MMP26: variants seen among roughly 807,000 people sequenced by gnomAD.
MMP26 encodes matrix metalloproteinase-26.
A neutral mutation model predicts 31.0 loss-of-function variants in MMP26; 33 were observed. The ratio of observed to expected loss-of-function variants is 1.06; its 90% CI spans 0.81 to 1.42. MMP26 has a LOEUF of 1.42. Among genes scored for constraint, MMP26 ranks in the 40% most tolerant of loss-of-function variants. The pLI is 0.00. For synonymous variants in MMP26, 122 were observed against 114.9 expected, an observed-to-expected ratio of 1.06 and a Z score of -0.40; for missense variants, 347 against 316.1, an observed-to-expected ratio of 1.10 and a Z score of -0.74.
chr11:4,925,281 G>A (rs571952761), intron 2 of MMP26, among the ~76,000 whole-genome samples: 232 of 152,180 alleles, frequency 1.5e-3, no homozygotes, highest in Admixed American at 3.3e-3. Context: ...ACATTAAACC[G>A]TATTTTCCCA....
At chr11:4,714,475 C>T (rs1353153033) in intron 1 of MMP26, among the ~76,000 whole-genome samples, 1 of 152,172 alleles carries the variant, frequency 6.6e-6, no homozygotes, top group African/African-American at 2.4e-5. Context: ...TTCTTATCCT[C>T]ATCCTCATCT....
intron 2 of MMP26, among the ~76,000 whole-genome samples, chr11:4,982,344 C>T (rs1846826055): frequency 6.6e-6 from 1 of 152,140 alleles, no homozygotes; most frequent in South Asian, 2.1e-4. Flanking sequence ...TACAATGTCA[C>T]TACATGATAG....
intron 2 of MMP26, chr11:4,973,884 T>C (rs762718180): frequency 7.9e-5 from 12 of 152,036 alleles, no homozygotes; most frequent in Non-Finnish European, 1.6e-4. Flanking sequence ...AGAATGGACA[T>C]CCCAGTATTT....
At chr11:4,858,540 G>C (rs1025824262) in intron 2 of MMP26, among the ~76,000 whole-genome samples, 1 of 152,106 alleles carries the variant, frequency 6.6e-6, no homozygotes, top group African/African-American at 2.4e-5. Context: ...TCTTCAAGGA[G>C]AACTACAAAC....
rs752821821 is a variant in MMP26, at chr11:4,907,889, C to A, written c.-144-80179C>A. On this transcript the variant is annotated intron_variant, in intron 2 of 7. Transcript: ENST00000380390. ...ATTAAAATATTGTCAAAAGAATCTT[C>A]TTTCTCACTCATACTGTCTTCATCA... The A allele has an allele frequency of 4.3e-6, 7 of 1,613,926 alleles. No homozygotes were observed. The Admixed American group carries it at 1.2e-4, about 27-fold the overall frequency.
intron 2 of MMP26, among the ~76,000 whole-genome samples, chr11:4,860,897 G>A (rs1267635040): frequency 6.6e-6 from 1 of 151,796 alleles, no homozygotes; most frequent in South Asian, 2.1e-4. Context: ...TAGCAGAAAA[G>A]AAGTAGACAT....
chr11:4,915,432 G>T, intron 2 of MMP26: 1 of 1,614,070 alleles, frequency 6.2e-7, no homozygotes, highest in Non-Finnish European at 8.5e-7. Context: ...CAAAGGGAGA[G>T]ACCCAGGTCA....
intron 2 of MMP26, chr11:4,859,811 G>A (rs1850117204): frequency 2.1e-6 from 1 of 471,336 alleles, no homozygotes; most frequent in African/African-American, 2.0e-5. Context: ...ACATAGAAGA[G>A]GAGCACGGTA....
chr11:4,811,280 G>A (rs999742583), intron 2 of MMP26, among the ~76,000 whole-genome samples: 4 of 152,120 alleles, frequency 2.6e-5, no homozygotes, highest in African/African-American at 9.7e-5. Context: ...ACAGGGGTTT[G>A]GTGTACCGAT....
At chr11:4,863,288 A>G (rs531032293) in intron 2 of MMP26, among the ~76,000 whole-genome samples, 35 of 150,814 alleles carry the variant, frequency 2.3e-4, no homozygotes, top group African/African-American at 8.6e-4. Context: ...ATCTTCTTTA[A>G]TTTTCAGACC....
chr11:4,802,925 C>A (rs1350374301), intron 2 of MMP26, among the ~76,000 whole-genome samples: 1 of 152,018 alleles, frequency 6.6e-6, no homozygotes, highest in Admixed American at 6.6e-5. Flanking sequence ...TCTTATAGGA[C>A]AATATTTGAA....
intron 1 of MMP26, among the ~76,000 whole-genome samples, chr11:4,730,609 G>A (rs574560178): frequency 6.6e-6 from 1 of 152,288 alleles, no homozygotes; most frequent in Admixed American, 6.5e-5. Context: ...TAGTCATAAT[G>A]TACGATAGTA....
At chr11:4,745,394 G>A (rs985587478) in intron 1 of MMP26, among the ~76,000 whole-genome samples, 2 of 152,134 alleles carry the variant, frequency 1.3e-5, no homozygotes, top group African/African-American at 4.8e-5. Context: ...CCCAGAACTA[G>A]TAAAACAAAA....
intron 2 of MMP26, among the ~76,000 whole-genome samples, chr11:4,864,666 T>C (rs2133518459): frequency 6.6e-6 from 1 of 152,298 alleles, no homozygotes; most frequent in African/African-American, 2.4e-5. Context: ...TGAATACTTC[T>C]GTCTGAAATA....
chr11:4,855,129 G>T (rs1850031703), intron 2 of MMP26, among the ~76,000 whole-genome samples: 1 of 152,160 alleles, frequency 6.6e-6, no homozygotes. Flanking sequence ...GAGCAGAAAA[G>T]CTGAAAATTC....
chr11:4,795,719 T>G (rs1469733073), intron 2 of MMP26, among the ~76,000 whole-genome samples: 3 of 152,192 alleles, frequency 2.0e-5, no homozygotes, highest in Non-Finnish European at 2.9e-5. Context: ...AATTACTTTA[T>G]TATGCCTGTG....
intron 2 of MMP26, among the ~76,000 whole-genome samples, chr11:4,767,662 G>A (rs187340632): frequency 6.6e-6 from 1 of 152,148 alleles, no homozygotes; most frequent in East Asian, 1.9e-4. Context: ...ATCATTATCA[G>A]TGATTTCAAG....
At chr11:4,985,308 A>G (rs1846870128) in intron 2 of MMP26, among the ~76,000 whole-genome samples, 1 of 152,190 alleles carries the variant, frequency 6.6e-6, no homozygotes, top group Admixed American at 6.5e-5. Flanking sequence ...ATTTTAGTGA[A>G]CAAACTCATA....
intron 2 of MMP26, among the ~76,000 whole-genome samples, chr11:4,872,775 C>T (rs576207168): frequency 1.3e-5 from 2 of 152,106 alleles, no homozygotes; most frequent in South Asian, 4.2e-4. Flanking sequence ...CCTTCTCCAC[C>T]TTGACCCCCA....
Sources: gnomAD v4.1 joint callset for allele counts (sites outside exome capture counted in the v4.1 genomes callset) on GRCh38, gnomAD v4.1.1 for gene constraint, MANE v1.5 for transcripts, NCBI Gene and HGNC (gene_info 2026-07-23, HGNC 2026-07-21) for gene names.